Variants in DENND4C observed in about 807,000 individuals in gnomAD.
The protein encoded by DENND4C is DENN domain containing 4C.
DENND4C carries 108 observed loss-of-function variants against 203.0 expected under a neutral mutation model. The observed-to-expected ratio is 0.53, with a 90% confidence interval of 0.46 to 0.62. The LOEUF (loss-of-function observed/expected upper bound fraction) is 0.62. DENND4C is among the 20% of genes least tolerant of loss of function. The pLI, the probability that DENND4C is intolerant of heterozygous loss-of-function variation, is 0.00. For missense variants in DENND4C, 2,481 were observed against 2,301.2 expected, an observed-to-expected ratio of 1.08 and a Z score of -1.60; for synonymous variants, 871 against 792.4, an observed-to-expected ratio of 1.10 and a Z score of -1.67.
At chr9:19,263,858 C>G (rs1450008153) in intron 1 of DENND4C, among the ~76,000 whole-genome samples, 2 of 152,022 alleles carry the variant, frequency 1.3e-5, no homozygotes, top group African/African-American at 4.8e-5. Context: ...CAGGATTTCA[C>G]CATGTTGGCC....
chr9:19,317,167 C>T (rs1841994450), intron 12 of DENND4C, among the ~76,000 whole-genome samples: 1 of 148,584 alleles, frequency 6.7e-6, no homozygotes, highest in Admixed American at 6.8e-5. Flanking sequence ...TGCATAGTTC[C>T]TTGGATTTGT....
At chr9:19,242,136 T>G (rs1348876554) in intron 1 of DENND4C, among the ~76,000 whole-genome samples, 2 of 152,234 alleles carry the variant, frequency 1.3e-5, no homozygotes, top group African/African-American at 4.8e-5. Flanking sequence ...TTCTATAGTT[T>G]TGCCTTTTCT....
At chr9:19,269,266 A>G (rs147915402) in intron 1 of DENND4C, among the ~76,000 whole-genome samples, 12 of 151,940 alleles carry the variant, frequency 7.9e-5, no homozygotes, top group Admixed American at 2.6e-4. Flanking sequence ...GGTTCAAGCA[A>G]TTCCCCTGCC....
intron 26 of DENND4C, among the ~76,000 whole-genome samples, chr9:19,354,910 CTGTT>C (rs1195504810): frequency 2.1e-5 from 3 of 143,802 alleles, no homozygotes; most frequent in East Asian, 2.1e-4. Context: ...TCTTTTTTGG[CTGTT>C]TGTTTTTTTT....
At chr9:19,291,010 C>A in intron 5 of DENND4C, 134 bp downstream of exon 5, 1 of 839,972 alleles carries the variant, frequency 1.2e-6, no homozygotes, top group Admixed American at 3.0e-5. Flanking sequence ...ACTGTCATCC[C>A]CAAGGTGAGA....
In DENND4C at chr9:19,326,099, A is replaced by G. The variant is rs766715757; in HGVS notation, c.2025A>G (p.Ile675Met). Residue 675 changes from isoleucine to methionine, a missense_variant, in exon 15 of 33, where the codon ATA becomes ATG. Ile to Met is a conservative substitution (Grantham distance 10, BLOSUM62 1). Coordinates refer to ENST00000434457, the MANE Select transcript of DENND4C (RefSeq NM_001330640.2). ...ATTCAGCAGAAGATACCAGATTGAT[A>G]GAACTAGATGATTCACAGAAAAGTG... ...DFDSAEDTRLIELDDSQKSEH... is the reference protein window; with the variant it reads ...DFDSAEDTRLMELDDSQKSEH... The G allele has an allele frequency of 6.2e-7, 1 of 1,612,196 alleles. No homozygotes were observed.
intron 1 of DENND4C, among the ~76,000 whole-genome samples, chr9:19,243,573 T>G (rs1045479705): frequency 3.9e-5 from 6 of 152,192 alleles, no homozygotes; most frequent in Non-Finnish European, 7.4e-5. Context: ...TCTCTGTGGA[T>G]TTGCCTATTG....
chr9:19,271,763 G>C lies in DENND4C; in HGVS notation c.-17-4395G>C, dbSNP rs372029875. Among the ~76,000 whole-genome samples, 1,349 of 151,964 alleles carry C rather than the reference G, an allele frequency of 8.9e-3. 6 individuals carry two copies. Among genetic ancestry groups the C allele is most frequent in the Non-Finnish European group, 0.014 (960 of 67,994 alleles). On this transcript the variant is annotated intron_variant, in intron 1 of 32. Transcript: ENST00000434457. ...GCCTGTAATCCCAGCTACTCGGGAG[G>C]CTGAGGCAGGAGAATCGCTTGAACC...
intron 9 of DENND4C, among the ~76,000 whole-genome samples, chr9:19,301,366 C>G (rs753652414): frequency 6.6e-6 from 1 of 152,200 alleles, no homozygotes; most frequent in Non-Finnish European, 1.5e-5. Context: ...AGGACCTAAT[C>G]TCTTGTTTAC....
chr9:19,363,912 G>C (rs1827056867), intron 30 of DENND4C, among the ~76,000 whole-genome samples: 1 of 152,154 alleles, frequency 6.6e-6, no homozygotes, highest in Admixed American at 6.5e-5. Context: ...TACTCAGGAG[G>C]CTGAGGCAGG....
At chr9:19,335,204 G>T (rs1820165659) in intron 18 of DENND4C, 99 bp downstream of exon 18, 3 of 772,290 alleles carry the variant, frequency 3.9e-6, no homozygotes, top group African/African-American at 3.7e-5. Context: ...AGGAAGTTTT[G>T]GGATATAATT....
At chr9:19,316,220 G>A (rs1305605414) in intron 10 of DENND4C, among the ~76,000 whole-genome samples, 197 bp from the exon 11 acceptor site, 6 of 152,186 alleles carry the variant, frequency 3.9e-5, no homozygotes, top group African/African-American at 1.4e-4. Context: ...GTTAGAATGA[G>A]ATGGCTAAAT....
At chr9:19,247,497 G>C (rs1336745749) in intron 1 of DENND4C, among the ~76,000 whole-genome samples, 1 of 152,174 alleles carries the variant, frequency 6.6e-6, no homozygotes, top group Non-Finnish European at 1.5e-5. Context: ...CTGGTCTCAA[G>C]TAATCCTCCT....
At chr9:19,342,864 C>A in intron 22 of DENND4C, 85 bp downstream of exon 22, 1 of 1,201,402 alleles carries the variant, frequency 8.3e-7, no homozygotes, top group Non-Finnish European at 1.1e-6. Context: ...AAATTTTTGA[C>A]TTAATTGTAA....
At position 19,332,747 on chromosome 9, in the gene DENND4C, A is replaced by G. The variant is rs183257545; in HGVS notation, c.2460+563A>G. On this transcript the variant is annotated intron_variant, in intron 17 of 32. Transcript: ENST00000434457. ...GTTGTGTGATCATGGCACCTGGCAT[A>G]TGGTTTTTCTGTTTTTGATTTTTTT... 4.0e-4 allele frequency among the ~76,000 whole-genome samples: 56 copies of G among 139,906 alleles called. 1 individual carries two copies. In the South Asian group the frequency reaches 7.7e-3, roughly 19 times the overall value. The allele number at this position is 139,906 out of a possible 152,430, so 91.8% of individuals were successfully genotyped here. A position where few individuals can be genotyped will look rare whatever the true frequency, so the allele number is the denominator to read the frequency against.
At chr9:19,300,963 TGAGGTCAG>T (rs1467533000) in intron 9 of DENND4C, among the ~76,000 whole-genome samples, 2 of 152,130 alleles carry the variant, frequency 1.3e-5, no homozygotes, top group Non-Finnish European at 2.9e-5. Context: ...GCGGATCACC[TGAGGTCAG>T]GAGTTCGAGA....
In DENND4C at chr9:19,332,083, C is replaced by T. The variant is rs1215207206; in HGVS notation, c.2359C>T (p.Pro787Ser). ...HCYSLWFICL[P>S]AYVRVSHPKV... The stretch of plus-strand genomic sequence containing the variant: ...TTACAGTTTATGGTTTATTTGTCTT[C>T]CGGCCTATGTTAGAGTTTCTCATCC... Residue 787 changes from proline to serine, a missense_variant, in exon 17 of 33, where the codon CCG becomes TCG. Pro to Ser is a moderately conservative substitution (Grantham distance 74, BLOSUM62 -1). Transcript: ENST00000434457. The T allele has an allele frequency of 4.3e-6, 7 of 1,613,902 alleles. No homozygotes were observed. The highest frequency in any genetic ancestry group is 5.9e-6 in the Non-Finnish European group (7 of 1,179,980).
chr9:19,272,945 C>CTTT (rs35973945), intron 1 of DENND4C, among the ~76,000 whole-genome samples: 15 of 86,592 alleles, frequency 1.7e-4, no homozygotes, highest in Non-Finnish European at 2.5e-4. Context: ...TTTTTGTATC[C>CTTT]TTTTTTTTTT....
At chr9:19,312,207 A>T (rs1317610748) in intron 10 of DENND4C, among the ~76,000 whole-genome samples, 1 of 152,136 alleles carries the variant, frequency 6.6e-6, no homozygotes, top group Admixed American at 6.6e-5. Flanking sequence ...AGGCTCAAGC[A>T]ATTCTTATGC....
Sources: gnomAD v4.1 joint callset for allele counts (sites outside exome capture counted in the v4.1 genomes callset) on GRCh38, gnomAD v4.1.1 for gene constraint, MANE v1.5 for transcripts, NCBI Gene and HGNC (gene_info 2026-07-23, HGNC 2026-07-21) for gene names.